The following ZNF664 variants were observed in gnomAD, a reference collection of about 807,000 sequenced individuals.
ZNF664 encodes zinc finger protein 664.
Under a neutral mutation model 18.2 loss-of-function variants are expected in ZNF664, and 10 were observed. That is an observed-to-expected ratio of 0.55 (90% CI 0.34 to 0.93). The LOEUF is 0.93. Ranked by LOEUF, ZNF664 falls within the 40% of genes least tolerant of loss-of-function variation. The probability of loss-of-function intolerance (pLI) is 0.02; values close to 1 mark genes in which losing one functional copy is unlikely to be tolerated. For missense variants in ZNF664, 193 were observed against 319.0 expected (o/e 0.61, Z 3.01); for synonymous variants, 119 against 104.2 (o/e 1.14, Z -0.86).
rs906761831 is a variant in ZNF664 at position 123,974,087 on chromosome 12, C to T, written c.-757+67C>T. 7 of 1,115,886 alleles carry T rather than the reference C, an allele frequency of 6.3e-6. No individual in the cohort carries two copies. In the Admixed American group the frequency reaches 1.8e-4, roughly 29 times the overall value. 69.1% of individuals were successfully genotyped at this position (1,115,886 alleles called of 1,614,324 possible). ...GCCTCCGCAGGCGTTCTCACCCCTT[C>T]CAGGACTCGACTGCAGTTTTCTCAC... On this transcript the variant is annotated intron_variant, in intron 2 of 4. Transcript: ENST00000337815.
At chr12:123,973,472 C>T (rs1199691206) in intron 1 of ZNF664, 120 bp downstream of exon 1, 8 of 639,114 alleles carry the variant, frequency 1.3e-5, no homozygotes, top group Non-Finnish European at 1.6e-5. Context: ...AAAAGAAAAA[C>T]AACCCATCCC....
rs1218352882 is a variant in ZNF664 at position 124,013,300 on chromosome 12, A to G, written c.*370A>G. 4.1e-6 allele frequency: 1 copy of G among 246,720 alleles called. No homozygotes were observed. Among genetic ancestry groups the G allele is most frequent in the Non-Finnish European group, 8.4e-6 (1 of 118,948 alleles). The allele number at this position is 246,720 out of a possible 1,614,324, so 15.3% of individuals were successfully genotyped here. On this transcript the variant is annotated 3_prime_UTR_variant, in exon 5 of 5. Transcript: ENST00000337815. ...AAGCTATCCCAGATACTCCCCCTTG[A>G]GGAGCTCATGCCCTTCCTTCCTCTT...
At chr12:123,978,068 A>T (rs1252420292) in intron 2 of ZNF664, among the ~76,000 whole-genome samples, 1 of 152,196 alleles carries the variant, frequency 6.6e-6, no homozygotes, top group Non-Finnish European at 1.5e-5. Context: ...AGGGCACTCA[A>T]ATCTGTAAGT....
intron 3 of ZNF664, among the ~76,000 whole-genome samples, chr12:123,993,994 A>G (rs1034155567): frequency 1.3e-5 from 2 of 152,234 alleles, no homozygotes; most frequent in African/African-American, 2.4e-5. Flanking sequence ...GAATTGTGCC[A>G]GATGGAATAA....
chr12:123,989,187 T>G (rs1956859653), intron 3 of ZNF664: 1 of 152,850 alleles, frequency 6.5e-6, no homozygotes, highest in Non-Finnish European at 1.5e-5. Context: ...ATGTGTGATG[T>G]CTTTTCTTTT....
intron 3 of ZNF664, chr12:123,998,350 T>G (rs575664294): frequency 2.0e-5 from 3 of 152,216 alleles, no homozygotes; most frequent in Non-Finnish European, 1.5e-5. Context: ...ATAGGTGGAC[T>G]ACTATCTCCT....
intron 2 of ZNF664, among the ~76,000 whole-genome samples, chr12:123,977,769 T>C (rs1956713402): frequency 1.3e-5 from 2 of 152,242 alleles, no homozygotes. Context: ...AGTATCGTTC[T>C]GGCTGTAAAA....
intron 2 of ZNF664, among the ~76,000 whole-genome samples, chr12:123,982,262 G>T (rs556076035): frequency 2.0e-5 from 3 of 152,220 alleles, no homozygotes; most frequent in Non-Finnish European, 4.4e-5. Flanking sequence ...AGAAAAGGTA[G>T]CGGAGAAAGT....
chr12:123,979,313 T>G (rs575189474), intron 2 of ZNF664, among the ~76,000 whole-genome samples: 2 of 152,330 alleles, frequency 1.3e-5, no homozygotes, highest in East Asian at 3.9e-4. Context: ...TGAAGAGAAA[T>G]TCAACCTCAT....
intron 3 of ZNF664, among the ~76,000 whole-genome samples, chr12:123,999,732 G>A (rs1344112237): frequency 1.3e-5 from 2 of 152,192 alleles, no homozygotes; most frequent in East Asian, 1.9e-4. Context: ...AGGAAGAAAG[G>A]GCTAGAGTCG....
In ZNF664 at chr12:124,014,174, T is replaced by TGGGGTGGGGTG. The variant is rs1957165407; in HGVS notation, c.*1256_*1266dup. The TGGGGTGGGGTG allele has an allele frequency of 4.0e-5, 1 of 25,142 alleles. No individual in the cohort carries two copies. Among genetic ancestry groups the TGGGGTGGGGTG allele is most frequent in the African/African-American group, 3.5e-4 (1 of 2,824 alleles). 1.6% of individuals were successfully genotyped at this position (25,142 alleles called of 1,614,324 possible). ...TAAACTAGGGTGATGATTTTAGTGG[T>TGGGGTGGGGTG]GGGGTGGGGTGGGGGTGGGGTGACA... On this transcript the variant is annotated 3_prime_UTR_variant, in exon 5 of 5. Transcript: ENST00000337815.
intron 3 of ZNF664, among the ~76,000 whole-genome samples, chr12:123,999,021 G>C (rs902042560): frequency 6.6e-6 from 1 of 152,154 alleles, no homozygotes. Context: ...CATTAATTAA[G>C]GGACCAAGAA....
At chr12:123,979,029 T>TTC (rs1956729381) in intron 2 of ZNF664, among the ~76,000 whole-genome samples, 1 of 152,116 alleles carries the variant, frequency 6.6e-6, no homozygotes, top group Non-Finnish European at 1.5e-5. Context: ...ATAAAAGCAT[T>TTC]AGAAGGAAAT....
At position 123,988,583 on chromosome 12, in the gene ZNF664, G is replaced by GT. The variant is rs111807388; in HGVS notation, c.-661+455dup. On this transcript the variant is annotated intron_variant, in intron 3 of 4. Coordinates refer to ENST00000337815, the MANE Select transcript of ZNF664 (RefSeq NM_152437.3). ...CTCGGTTGCTTTGTAAATTTCTGGT[G>GT]TTTTTTTTTTCCCCAACGTCTGAAT... 5.3e-3 allele frequency among the ~76,000 whole-genome samples: 791 copies of GT among 148,032 alleles called. 6 individuals are homozygous for GT. Among genetic ancestry groups the GT allele is most frequent in the African/African-American group, 0.017 (705 of 40,352 alleles).
At chr12:124,009,446 A>G (rs1957109868) in intron 3 of ZNF664, among the ~76,000 whole-genome samples, 1 of 152,110 alleles carries the variant, frequency 6.6e-6, no homozygotes, top group African/African-American at 2.4e-5. Context: ...TAATCATTAA[A>G]TTAAATTCTG....
At chr12:123,998,079 T>A (rs1956970680) in intron 3 of ZNF664, among the ~76,000 whole-genome samples, 1 of 152,132 alleles carries the variant, frequency 6.6e-6, no homozygotes, top group Non-Finnish European at 1.5e-5. Flanking sequence ...GCTTCTGAGG[T>A]CAGAAGTTCC....
Position 124,012,121 on chromosome 12 carries a change from A to G in ZNF664, c.-24A>G. 6.3e-7 allele frequency: 1 copy of G among 1,579,968 alleles called. No individual in the cohort carries two copies. Among genetic ancestry groups the G allele is most frequent in the Non-Finnish European group, 8.6e-7 (1 of 1,169,022 alleles). ...TAATCATAAGGAAATTTTCTCCTTG[A>G]AATCACGATACCAAATAGGAAAAAT... On this transcript the variant is annotated 5_prime_UTR_variant, in exon 5 of 5. Coordinates refer to ENST00000337815, the MANE Select transcript of ZNF664 (RefSeq NM_152437.3).
chr12:124,010,577 A>C (rs753129161), intron 3 of ZNF664, among the ~76,000 whole-genome samples: 2 of 152,222 alleles, frequency 1.3e-5, no homozygotes, highest in Non-Finnish European at 2.9e-5. Context: ...GAAGCAGGAT[A>C]TGTGTGTGGG....
At chr12:124,004,199 C>T (rs1957044757) in intron 3 of ZNF664, among the ~76,000 whole-genome samples, 3 of 151,952 alleles carry the variant, frequency 2.0e-5, no homozygotes, top group Admixed American at 2.0e-4. Flanking sequence ...TAGAGTGTGG[C>T]CATGGAAACA....
Sources: allele counts gnomAD v4.1 joint callset (sites outside exome capture counted in the v4.1 genomes callset), GRCh38; gene constraint gnomAD v4.1.1; transcripts MANE v1.5; gene names NCBI Gene and HGNC (gene_info 2026-07-23, HGNC 2026-07-21).